NEGR1: variants seen among roughly 807,000 people sequenced by gnomAD.
The protein encoded by NEGR1 is neuronal growth regulator 1, also known as IgLON family member 4.
In NEGR1, 10 loss-of-function variants were observed where a neutral mutation model predicts 40.9. The ratio of observed to expected loss-of-function variants is 0.24; its 90% CI spans 0.15 to 0.42. The LOEUF (loss-of-function observed/expected upper bound fraction) is 0.42. NEGR1 is among the 10% of genes least tolerant of loss of function. NEGR1 has a pLI of 1.00. For synonymous variants in NEGR1, 185 were observed against 166.8 expected (o/e 1.11, Z -0.84); for missense variants, 352 against 438.9 (o/e 0.80, Z 1.77).
At chr1:72,050,448 T>C (rs2100474409) in intron 1 of NEGR1, among the ~76,000 whole-genome samples, 1 of 151,672 alleles carries the variant, frequency 6.6e-6, no homozygotes, top group South Asian at 2.1e-4. Flanking sequence ...TGAAAGTACA[T>C]TGCTGGGCCT....
intron 1 of NEGR1, among the ~76,000 whole-genome samples, chr1:72,110,867 A>C (rs375664525): frequency 1.3e-5 from 2 of 151,740 alleles, no homozygotes; most frequent in East Asian, 3.9e-4. Flanking sequence ...TTATTTACAA[A>C]TAGAAACTTA....
In NEGR1 at chr1:71,946,399, A is replaced by T. The variant is rs944094699; in HGVS notation, c.177-11088T>A. Among the ~76,000 whole-genome samples, 5 of 152,206 alleles carry T rather than the reference A, an allele frequency of 3.3e-5. No homozygotes were observed. In the East Asian group the frequency reaches 7.7e-4, roughly 24 times the overall value. ...ATTGCCACCTAAAATTTTCATCATA[A>T]TCCAAGGTCTTTGCCAACCTATAAT... On this transcript the variant is annotated intron_variant, in intron 1 of 6. Coordinates refer to ENST00000357731, the MANE Select transcript of NEGR1 (RefSeq NM_173808.3).
At chr1:72,064,073 G>GA (rs549581793) in intron 1 of NEGR1, among the ~76,000 whole-genome samples, 63 of 147,368 alleles carry the variant, frequency 4.3e-4, no homozygotes, top group African/African-American at 7.9e-4. Context: ...TTAAAAAAAG[G>GA]AAAAAAAAAA....
chr1:71,773,070 A>G (rs1656383475), intron 3 of NEGR1, among the ~76,000 whole-genome samples: 1 of 152,204 alleles, frequency 6.6e-6, no homozygotes, highest in African/African-American at 2.4e-5. Context: ...GCAAGAGTTA[A>G]AAAGTAGAAT....
intron 6 of NEGR1, among the ~76,000 whole-genome samples, chr1:71,462,552 T>C (rs1434769416): frequency 4.6e-5 from 7 of 152,136 alleles, no homozygotes; most frequent in African/African-American, 1.7e-4. Context: ...ATACTTCAAA[T>C]GATTTTACCT....
intron 2 of NEGR1, among the ~76,000 whole-genome samples, chr1:71,808,746 GAAC>G (rs1006204298): frequency 2.6e-5 from 4 of 151,652 alleles, no homozygotes; most frequent in African/African-American, 9.7e-5. Flanking sequence ...GAAAAAAAAA[GAAC>G]AATAGAAAAT....
At chr1:71,930,746 G>A (rs1645847731) in intron 2 of NEGR1, among the ~76,000 whole-genome samples, 1 of 152,118 alleles carries the variant, frequency 6.6e-6, no homozygotes, top group African/African-American at 2.4e-5. Context: ...ATGTTTATTA[G>A]GAAATATCCT....
rs17091263 is a variant in NEGR1, at chr1:71,481,826, A to G, written c.941-74256T>C. Reference sequence around the variant, plus strand: ...TTTATTTCTATTGTTTGCCTGGTGCAGAAATGCTTTTTAGTCACTTTTTAG... The same window carrying G: ...TTTATTTCTATTGTTTGCCTGGTGCGGAAATGCTTTTTAGTCACTTTTTAG... On this transcript the variant is annotated intron_variant, in intron 6 of 6. Coordinates refer to ENST00000357731, the MANE Select transcript of NEGR1 (RefSeq NM_173808.3). 6.1e-3 allele frequency among the ~76,000 whole-genome samples: 931 copies of G among 152,004 alleles called. 44 individuals carry two copies. The highest frequency in any genetic ancestry group is 0.052 in the Admixed American group (799 of 15,226).
At chr1:72,259,574 TC>T (rs1407534635) in intron 1 of NEGR1, among the ~76,000 whole-genome samples, 1 of 152,122 alleles carries the variant, frequency 6.6e-6, no homozygotes, top group Non-Finnish European at 1.5e-5. Context: ...GAAAGTTTTT[TC>T]CATCTGTAAT....
chr1:71,785,314 C>T (rs1053594564), intron 2 of NEGR1, among the ~76,000 whole-genome samples: 4 of 152,136 alleles, frequency 2.6e-5, no homozygotes, highest in Admixed American at 6.6e-5. Flanking sequence ...ATAGGAAGAA[C>T]ACCGCAATTG....
At chr1:72,111,054 T>C (rs1017430713) in intron 1 of NEGR1, among the ~76,000 whole-genome samples, 2 of 148,822 alleles carry the variant, frequency 1.3e-5, no homozygotes, top group African/African-American at 4.9e-5. Context: ...TACACTAAAT[T>C]TTTAGATATA....
At chr1:72,050,319 T>A (rs1232351157) in intron 1 of NEGR1, among the ~76,000 whole-genome samples, 1 of 151,506 alleles carries the variant, frequency 6.6e-6, no homozygotes, top group Non-Finnish European at 1.5e-5. Flanking sequence ...AATAATAAAT[T>A]TCATTTAAAT....
intron 1 of NEGR1, among the ~76,000 whole-genome samples, chr1:72,176,432 T>A (rs2100404377): frequency 6.6e-6 from 1 of 152,158 alleles, no homozygotes; most frequent in Admixed American, 6.6e-5. Context: ...TGGAGAAGAA[T>A]ACCAAAATGG....
At chr1:71,411,247 A>T (rs1316576824) in intron 6 of NEGR1, among the ~76,000 whole-genome samples, 1 of 152,124 alleles carries the variant, frequency 6.6e-6, no homozygotes, top group Non-Finnish European at 1.5e-5. Flanking sequence ...TTCTCATTTT[A>T]GTATCAGGCT....
chr1:71,531,039 C>T (rs1166418602), intron 6 of NEGR1, among the ~76,000 whole-genome samples: 1 of 151,244 alleles, frequency 6.6e-6, no homozygotes, highest in Non-Finnish European at 1.5e-5. Context: ...CCTTATTGTA[C>T]ACCCACCCCA....
intron 6 of NEGR1, among the ~76,000 whole-genome samples, chr1:71,572,517 C>T (rs1024864848): frequency 1.3e-5 from 2 of 152,154 alleles, no homozygotes; most frequent in Non-Finnish European, 2.9e-5. Flanking sequence ...AAAAGCAAAG[C>T]ATCTCGTGTT....
intron 2 of NEGR1, among the ~76,000 whole-genome samples, chr1:71,837,822 A>T (rs1659096904): frequency 6.6e-6 from 1 of 152,142 alleles, no homozygotes; most frequent in African/African-American, 2.4e-5. Context: ...ACAATTGGGT[A>T]CTCACCTAAT....
At chr1:71,871,565 C>T (rs1038983566) in intron 2 of NEGR1, among the ~76,000 whole-genome samples, 2 of 152,148 alleles carry the variant, frequency 1.3e-5, no homozygotes, top group African/African-American at 4.8e-5. Flanking sequence ...TTGCATACAT[C>T]CTATACACCT....
At chr1:71,829,191 T>C (rs1042463458) in intron 2 of NEGR1, among the ~76,000 whole-genome samples, 4 of 151,978 alleles carry the variant, frequency 2.6e-5, no homozygotes. Context: ...TTAATTAGTA[T>C]TAAATCCTCA....
Sources: gnomAD v4.1 joint callset for allele counts (sites outside exome capture counted in the v4.1 genomes callset) on GRCh38, gnomAD v4.1.1 for gene constraint, MANE v1.5 for transcripts, NCBI Gene and HGNC (gene_info 2026-07-23, HGNC 2026-07-21) for gene names.